PDE4D: variants seen among roughly 807,000 people sequenced by gnomAD.
PDE4D encodes 3',5'-cyclic-AMP phosphodiesterase 4D.
PDE4D carries 24 observed loss-of-function variants against 87.4 expected under a neutral mutation model. The observed-to-expected ratio is 0.27, with a 90% CI of 0.20 to 0.39. PDE4D has a LOEUF of 0.39. Among genes scored for constraint, PDE4D ranks in the 10% least tolerant of loss-of-function variants. The pLI is 1.00. For missense variants in PDE4D, 714 were observed against 1,041.0 expected (o/e 0.69, Z 4.32); for synonymous variants, 384 against 383.2 (o/e 1.00, Z -0.02).
chr5:58,977,342 G>GAGTC lies in PDE4D; in HGVS notation c.1553-1_1555dup (p.Ser519Ter). Reference sequence around the variant, plus strand: ...ATCATTGTACATCAAGGCAAGTTCAGAGTCTGTAAAAAAGACAAAAGGCCA... The same window carrying GAGTC: ...ATCATTGTACATCAAGGCAAGTTCAGAGTCAGTCTGTAAAAAAGACAAAAGGCCA... On this transcript the variant is annotated stop_gained and frameshift_variant, in exon 12 of 15. Coordinates refer to ENST00000340635, the MANE Select transcript of PDE4D (RefSeq NM_001104631.2). LOFTEE classifies it high-confidence loss of function. The GAGTC allele has an allele frequency of 6.2e-7, 1 of 1,604,258 alleles. No homozygotes were observed. The highest frequency in any genetic ancestry group is 1.7e-5 in the Admixed American group (1 of 57,208).
chr5:59,427,296 C>T (rs1207457132), intron 1 of PDE4D, among the ~76,000 whole-genome samples: 5 of 65,088 alleles, frequency 7.7e-5, no homozygotes, highest in African/African-American at 4.3e-4. Context: ...ATTTTATACA[C>T]ACACACACAC....
intron 6 of PDE4D, among the ~76,000 whole-genome samples, chr5:59,033,381 A>T (rs1213470835): frequency 1.3e-5 from 2 of 152,250 alleles, no homozygotes. Flanking sequence ...AGTGTCAATT[A>T]AACTATTACA....
chr5:59,899,255 C>G (rs1751981493), intron 3 of PDE4D, among the ~76,000 whole-genome samples: 1 of 152,034 alleles, frequency 6.6e-6, no homozygotes, highest in African/African-American at 2.4e-5. Flanking sequence ...CCGTTGGACT[C>G]TTAACTCTAC....
At chr5:60,314,080 C>G (rs1214618066) in intron 1 of PDE4D, among the ~76,000 whole-genome samples, 1 of 152,062 alleles carries the variant, frequency 6.6e-6, no homozygotes, top group Non-Finnish European at 1.5e-5. Flanking sequence ...AATACTCGAA[C>G]TCCTAGCCAG....
chr5:60,429,464 TC>T (rs1450659968), intron 1 of PDE4D, among the ~76,000 whole-genome samples: 2 of 152,184 alleles, frequency 1.3e-5, no homozygotes, highest in African/African-American at 4.8e-5. Flanking sequence ...TATTTCTTTC[TC>T]TTCCCTTATT....
At chr5:60,013,657 A>G (rs1263665557) in intron 2 of PDE4D, among the ~76,000 whole-genome samples, 1 of 152,214 alleles carries the variant, frequency 6.6e-6, no homozygotes, top group Admixed American at 6.5e-5. Flanking sequence ...ACTCTGTGTG[A>G]GAGATTGTTA....
At chr5:60,304,267 G>T (rs1334438641) in intron 1 of PDE4D, 1 of 152,014 alleles carries the variant, frequency 6.6e-6, no homozygotes, top group Non-Finnish European at 1.5e-5. Context: ...AAAAAAAAGT[G>T]AGCAGAAAGT....
intron 3 of PDE4D, among the ~76,000 whole-genome samples, chr5:59,188,134 T>C (rs1743348699): frequency 6.6e-6 from 1 of 152,150 alleles, no homozygotes; most frequent in South Asian, 2.1e-4. Flanking sequence ...ATTCGACTCT[T>C]TAAGAACTGT....
At chr5:59,260,387 G>A (rs1282242522) in intron 1 of PDE4D, among the ~76,000 whole-genome samples, 1 of 151,812 alleles carries the variant, frequency 6.6e-6, no homozygotes, top group Non-Finnish European at 1.5e-5. Flanking sequence ...TTGGCACCAA[G>A]GGAATTTGGT....
intron 2 of PDE4D, among the ~76,000 whole-genome samples, chr5:60,051,474 G>A (rs1394205046): frequency 6.6e-6 from 1 of 152,148 alleles, no homozygotes; most frequent in African/African-American, 2.4e-5. Flanking sequence ...AAATAAATAA[G>A]TTCTTTGAAA....
At chr5:60,137,339 T>C (rs1209385016) in intron 2 of PDE4D, among the ~76,000 whole-genome samples, 2 of 152,226 alleles carry the variant, frequency 1.3e-5, no homozygotes, top group Non-Finnish European at 2.9e-5. Flanking sequence ...CTGGGTTAAA[T>C]GATATTTCTG....
intron 1 of PDE4D, among the ~76,000 whole-genome samples, chr5:59,531,890 G>A (rs1430463105): frequency 6.6e-6 from 1 of 152,206 alleles, no homozygotes; most frequent in Non-Finnish European, 1.5e-5. Flanking sequence ...GGATTAGGCA[G>A]TGGAGCTCTT....
At chr5:60,348,080 A>T (rs1395691480) in intron 1 of PDE4D, among the ~76,000 whole-genome samples, 1 of 151,880 alleles carries the variant, frequency 6.6e-6, no homozygotes, top group African/African-American at 2.4e-5. Context: ...TAAACACTCA[A>T]GTGTTTCTTA....
rs533106949 is a variant in PDE4D, at chr5:60,408,936, G to T, written c.-90+79006C>A. ...GATTCTTTTTATCTGAAATAAGATAGCATTCAGTCACTTATCATGTATTCA... is the reference window on the plus strand; with the variant it reads ...GATTCTTTTTATCTGAAATAAGATATCATTCAGTCACTTATCATGTATTCA... On this transcript the variant is annotated intron_variant, in intron 1 of 16. Coordinates refer to the PDE4D transcript ENST00000502484. Among the ~76,000 whole-genome samples the T allele has an allele frequency of 9.2e-5, 14 of 152,294 alleles. No homozygotes were observed. The South Asian group carries it at 2.3e-3, about 25-fold the overall frequency.
chr5:59,994,305 G>A (rs9686716), intron 2 of PDE4D, among the ~76,000 whole-genome samples: 39,915 of 150,578 alleles, frequency 0.27, 5,711 homozygotes, highest in Admixed American at 0.35. Flanking sequence ...GTGTGTGTGT[G>A]TATATATACA....
At chr5:59,786,121 T>G (rs922988424) in intron 1 of PDE4D, among the ~76,000 whole-genome samples, 2 of 152,310 alleles carry the variant, frequency 1.3e-5, no homozygotes, top group South Asian at 4.1e-4. Context: ...GGCATCTATT[T>G]TCTAGCCTTT....
At chr5:59,789,688 C>G (rs551636729) in intron 1 of PDE4D, among the ~76,000 whole-genome samples, 1 of 152,192 alleles carries the variant, frequency 6.6e-6, no homozygotes, top group African/African-American at 2.4e-5. Flanking sequence ...AAATAGAAAT[C>G]CTTGATTTAG....
chr5:59,736,318 T>C (rs1449608554), intron 1 of PDE4D, among the ~76,000 whole-genome samples: 1 of 152,120 alleles, frequency 6.6e-6, no homozygotes, highest in Non-Finnish European at 1.5e-5. Flanking sequence ...AATTATGATA[T>C]TCAATACAGC....
chr5:59,127,881 A>T (rs1275618260), intron 5 of PDE4D, among the ~76,000 whole-genome samples: 1 of 151,900 alleles, frequency 6.6e-6, no homozygotes, highest in Non-Finnish European at 1.5e-5. Flanking sequence ...GCAATCCACC[A>T]GACAGTCTCC....
Sources: allele counts gnomAD v4.1 joint callset (sites outside exome capture counted in the v4.1 genomes callset), GRCh38; gene constraint gnomAD v4.1.1; transcripts MANE v1.5; gene names NCBI Gene and HGNC (gene_info 2026-07-23, HGNC 2026-07-21).